The following DRG1 variants were observed in gnomAD, a reference collection of about 807,000 sequenced individuals.
The protein encoded by DRG1 is developmentally-regulated GTP-binding protein 1.
In DRG1, 19 loss-of-function variants were observed where a neutral mutation model predicts 38.8. The observed-to-expected ratio is 0.49, with a 90% CI of 0.34 to 0.72. The LOEUF (loss-of-function observed/expected upper bound fraction) is 0.72, where lower values mean the gene tolerates loss of function less well. Ranked by LOEUF, DRG1 falls within the 30% of genes least tolerant of loss-of-function variation. The pLI is 0.01. For missense variants in DRG1, 299 were observed against 444.8 expected (o/e 0.67, Z 2.95); for synonymous variants, 167 against 157.5 (o/e 1.06, Z -0.45).
At chr22:31,425,512 C>T (rs2050105229) in intron 6 of DRG1, among the ~76,000 whole-genome samples, 1 of 150,800 alleles carries the variant, frequency 6.6e-6, no homozygotes, top group Non-Finnish European at 1.5e-5. Context: ...GTGATCACGG[C>T]TTACCGCAGC....
Position 31,430,642 on chromosome 22 carries a change from G to A in DRG1, c.1005-3230G>A, listed in dbSNP as rs537106009. Among the ~76,000 whole-genome samples the A allele has an allele frequency of 4.1e-4, 63 of 152,014 alleles. 1 individual carries two copies. Among genetic ancestry groups the A allele is most frequent in the Middle Eastern group, 6.8e-3 (2 of 294 alleles). On this transcript the variant is annotated intron_variant, in intron 8 of 8. Coordinates refer to ENST00000331457, the MANE Select transcript of DRG1 (RefSeq NM_004147.4). ...TCTTGATCTCCTGACCTCGTGATCCGCCCGCCTCGGCCTCTCAAAGTGCTG... is the reference window on the plus strand; with the variant it reads ...TCTTGATCTCCTGACCTCGTGATCCACCCGCCTCGGCCTCTCAAAGTGCTG...
At chr22:31,400,442 G>A (rs1042826642) in intron 1 of DRG1, among the ~76,000 whole-genome samples, 178 bp from the exon 2 acceptor site, 7 of 152,056 alleles carry the variant, frequency 4.6e-5, no homozygotes, top group Admixed American at 6.6e-5. Flanking sequence ...TTTGGGCTTT[G>A]CTTTGCTTTG....
rs762051785 is a variant in DRG1, at chr22:31,411,049, A to G, written c.380A>G (p.Asp127Gly). The G allele has an allele frequency of 6.2e-7, 1 of 1,613,910 alleles. No homozygotes were observed. The highest frequency in any genetic ancestry group is 8.5e-7 in the Non-Finnish European group (1 of 1,179,882). Residue 127 changes from aspartate to glycine, a missense_variant, in exon 4 of 9, where the codon GAT becomes GGT. Asp to Gly is a moderately conservative substitution (Grantham distance 94). Transcript: ENST00000331457. ...CCAGGTATCATTGAAGGTGCCAAGG[A>G]TGGGAAAGGTAGAGGTCGTCAAGTC... ...DLPGIIEGAK[D>G]GKGRGRQVIA... is the part of the protein sequence containing the mutation.
intron 3 of DRG1, among the ~76,000 whole-genome samples, chr22:31,409,158 C>T (rs1028959621): frequency 6.6e-6 from 1 of 152,054 alleles, no homozygotes; most frequent in African/African-American, 2.4e-5. Context: ...AATCTCGGCT[C>T]ACTGCAACCT....
intron 4 of DRG1, among the ~76,000 whole-genome samples, chr22:31,415,413 C>T (rs566889176): frequency 2.0e-5 from 3 of 152,248 alleles, no homozygotes; most frequent in Admixed American, 1.3e-4. Flanking sequence ...TAAATATCTT[C>T]TCCCGTTAAT....
chr22:31,428,448 T>C (rs1161145424), intron 8 of DRG1, among the ~76,000 whole-genome samples: 4 of 151,442 alleles, frequency 2.6e-5, no homozygotes, highest in East Asian at 2.0e-4. Flanking sequence ...CTCCTGACCT[T>C]GTGATCTGCC....
chr22:31,424,100 G>T (rs926308772), intron 6 of DRG1, among the ~76,000 whole-genome samples: 2 of 151,862 alleles, frequency 1.3e-5, no homozygotes, highest in East Asian at 3.9e-4. Context: ...CTGACCTCAG[G>T]TGATCCACCC....
Position 31,426,726 on chromosome 22 carries a change from C to T in DRG1, c.825C>T (p.Arg275=). Residue 275 remains arginine, a synonymous_variant, in exon 7 of 9, where the codon CGC becomes CGT. Transcript: ENST00000331457. ...PHCVPISAHH[R]WNFDDLLEKI... is the part of the protein sequence containing the mutation. The stretch of plus-strand genomic sequence containing the variant: ...GTGTACCCATCTCTGCCCATCACCG[C>T]TGGAATTTTGATGACCTATTGGAAA... 1 of 1,614,162 alleles carries T rather than the reference C, an allele frequency of 6.2e-7. No homozygotes were observed. Among genetic ancestry groups the T allele is most frequent in the South Asian group, 1.1e-5 (1 of 91,080 alleles).
intron 3 of DRG1, among the ~76,000 whole-genome samples, chr22:31,410,063 A>G (rs1271986014): frequency 6.6e-6 from 1 of 152,132 alleles, no homozygotes; most frequent in African/African-American, 2.4e-5. Flanking sequence ...GTTATAACCT[A>G]TTAGGACTAT....
At chr22:31,423,641 C>A (rs2050090784) in intron 6 of DRG1, among the ~76,000 whole-genome samples, 1 of 150,732 alleles carries the variant, frequency 6.6e-6, no homozygotes. Flanking sequence ...ATTCTTCTGC[C>A]TCAGCCTCCC....
At chr22:31,399,862 G>C (rs990795682) in intron 1 of DRG1, 137 bp downstream of exon 1, 2 of 1,300,624 alleles carry the variant, frequency 1.5e-6, no homozygotes, top group African/African-American at 1.5e-5. Flanking sequence ...CCCGTGTTCC[G>C]ACTGCCCTCT....
At chr22:31,419,443 A>G (rs898846923) in intron 4 of DRG1, among the ~76,000 whole-genome samples, 27 of 150,624 alleles carry the variant, frequency 1.8e-4, no homozygotes, top group African/African-American at 5.6e-4. Context: ...TTCTGCCTCA[A>G]CCTCCCAAAG....
chr22:31,403,327 G>C, intron 3 of DRG1, 123 bp downstream of exon 3: 1 of 1,054,064 alleles, frequency 9.5e-7, no homozygotes. Context: ...CTACCTGGTA[G>C]GGGAAATAGA....
intron 5 of DRG1, among the ~76,000 whole-genome samples, chr22:31,422,647 A>G (rs2050083325): frequency 1.3e-5 from 2 of 152,188 alleles, no homozygotes; most frequent in African/African-American, 2.4e-5. Context: ...TTTGACTGGC[A>G]TAGGTTTCAG....
intron 4 of DRG1, among the ~76,000 whole-genome samples, chr22:31,419,402 C>T (rs946941334): frequency 2.0e-5 from 3 of 150,798 alleles, no homozygotes; most frequent in Non-Finnish European, 2.9e-5. Context: ...GTTGCACAGG[C>T]TGGTCTCAAA....
intron 8 of DRG1, among the ~76,000 whole-genome samples, chr22:31,427,696 G>C (rs1014625656): frequency 2.0e-5 from 3 of 152,156 alleles, no homozygotes; most frequent in Non-Finnish European, 4.4e-5. Context: ...CTCCTGAGTA[G>C]CTGGGACTAC....
At chr22:31,421,085 A>T (rs1246068563) in intron 5 of DRG1, among the ~76,000 whole-genome samples, 1 of 151,958 alleles carries the variant, frequency 6.6e-6, no homozygotes, top group Admixed American at 6.6e-5. Flanking sequence ...GCACCCAGCT[A>T]ACTTTTGTAT....
intron 8 of DRG1, among the ~76,000 whole-genome samples, chr22:31,428,151 A>G (rs2050120959): frequency 6.6e-6 from 1 of 151,538 alleles, no homozygotes; most frequent in African/African-American, 2.4e-5. Context: ...TATGCCCAGC[A>G]TATTAATTTT....
At chr22:31,422,960 GC>G (rs2145868290) in intron 5 of DRG1, among the ~76,000 whole-genome samples, 1 of 152,094 alleles carries the variant, frequency 6.6e-6, no homozygotes, top group Admixed American at 6.6e-5. Context: ...TTGGATTATG[GC>G]CCCACCCTAA....
Sources: allele counts gnomAD v4.1 joint callset (sites outside exome capture counted in the v4.1 genomes callset), GRCh38; gene constraint gnomAD v4.1.1; transcripts MANE v1.5; gene names NCBI Gene and HGNC (gene_info 2026-07-23, HGNC 2026-07-21).